Variants in C9orf85 observed in about 807,000 individuals in gnomAD.
C9orf85 encodes chromosome 9 open reading frame 85.
In C9orf85, 16 loss-of-function variants were observed where a neutral mutation model predicts 14.9. That is an observed-to-expected ratio of 1.08 (90% CI 0.73 to 1.63). The LOEUF (loss-of-function observed/expected upper bound fraction) is 1.63, where lower values mean the gene tolerates loss of function less well. C9orf85 is among the 40% of genes most tolerant of loss of function. The pLI, the probability that C9orf85 is intolerant of heterozygous loss-of-function variation, is 0.00. For synonymous variants in C9orf85, 45 were observed against 56.8 expected, an observed-to-expected ratio of 0.79 and a Z score of 0.93; for missense variants, 172 against 186.1, an observed-to-expected ratio of 0.92 and a Z score of 0.44.
At chr9:71,949,369 G>A (rs1376160836) in intron 2 of C9orf85, among the ~76,000 whole-genome samples, 1 of 152,102 alleles carries the variant, frequency 6.6e-6, no homozygotes, top group East Asian at 1.9e-4. Context: ...GTGTCAGTGT[G>A]TAAAAAAGAT....
intron 3 of C9orf85, among the ~76,000 whole-genome samples, chr9:71,979,467 G>A (rs1227332916): frequency 6.6e-6 from 1 of 152,064 alleles, no homozygotes; most frequent in Non-Finnish European, 1.5e-5. Context: ...TAGGAAGCAG[G>A]TAATCTTGAA....
intron 1 of C9orf85, among the ~76,000 whole-genome samples, chr9:71,925,734 T>A: frequency 6.6e-6 from 1 of 152,226 alleles, no homozygotes; most frequent in East Asian, 1.9e-4. Context: ...GCTGTTTTTT[T>A]ATATATCTGA....
At chr9:71,961,366 C>T (rs1822519212) in intron 2 of C9orf85, among the ~76,000 whole-genome samples, 1 of 151,856 alleles carries the variant, frequency 6.6e-6, no homozygotes, top group African/African-American at 2.4e-5. Flanking sequence ...TCGAGACCAG[C>T]CTGGCCAACA....
intron 1 of C9orf85, among the ~76,000 whole-genome samples, chr9:71,920,452 A>G (rs1827768208): frequency 6.6e-6 from 1 of 152,226 alleles, no homozygotes; most frequent in Admixed American, 6.5e-5. Flanking sequence ...AATCTAAAAG[A>G]AAGTTGTAAT....
At chr9:71,912,062 GCA>G (rs10580392) in intron 1 of C9orf85, 546,749 of 562,428 alleles carry the variant, frequency 0.97, 266,868 homozygotes, top group East Asian at 1. Flanking sequence ...TTAACTAATT[GCA>G]CAGAGTGAAC....
At chr9:71,933,392 C>T (rs1828114373) in intron 1 of C9orf85, among the ~76,000 whole-genome samples, 1 of 152,184 alleles carries the variant, frequency 6.6e-6, no homozygotes, top group African/African-American at 2.4e-5. Context: ...TTAGAATAAT[C>T]CCCCTGTTAT....
chr9:71,980,161 G>A (rs963239377), intron 3 of C9orf85, among the ~76,000 whole-genome samples: 39 of 151,832 alleles, frequency 2.6e-4, no homozygotes, highest in Non-Finnish European at 4.0e-4. Flanking sequence ...TCACAGGTGC[G>A]CGCCACCATG....
At chr9:71,928,258 C>T (rs1369805484) in intron 1 of C9orf85, among the ~76,000 whole-genome samples, 1 of 151,048 alleles carries the variant, frequency 6.6e-6, no homozygotes, top group Non-Finnish European at 1.5e-5. Context: ...GTCAATTAGC[C>T]CTGTATCTAT....
intron 1 of C9orf85, among the ~76,000 whole-genome samples, chr9:71,927,957 G>A (rs997408117): frequency 6.6e-6 from 1 of 152,044 alleles, no homozygotes; most frequent in African/African-American, 2.4e-5. Context: ...AGGCCAAGGC[G>A]GGTGGATCAC....
intron 1 of C9orf85, among the ~76,000 whole-genome samples, chr9:71,927,950 C>T (rs897723533): frequency 1.3e-5 from 2 of 152,062 alleles, no homozygotes; most frequent in African/African-American, 4.8e-5. Context: ...CTTTGGGAGG[C>T]CAAGGCGGGT....
At chr9:71,939,555 G>T (rs1486050875) in intron 1 of C9orf85, among the ~76,000 whole-genome samples, 2 of 152,112 alleles carry the variant, frequency 1.3e-5, no homozygotes. Context: ...TACAGTTTCA[G>T]TGTAATCCTA....
intron 2 of C9orf85, among the ~76,000 whole-genome samples, chr9:71,955,171 A>G (rs1432199592): frequency 2.0e-5 from 3 of 152,136 alleles, no homozygotes; most frequent in Non-Finnish European, 4.4e-5. Context: ...TCTTGCACTC[A>G]GTCCTTGGCA....
chr9:71,913,450 G>A (rs1827568375), intron 1 of C9orf85, among the ~76,000 whole-genome samples: 1 of 152,096 alleles, frequency 6.6e-6, no homozygotes, highest in Non-Finnish European at 1.5e-5. Flanking sequence ...TATTGGTGAA[G>A]GGCAACACAG....
downstream of C9orf85, among the ~76,000 whole-genome samples, chr9:71,976,275 A>T (rs986638532): frequency 2.3e-4 from 35 of 152,222 alleles, no homozygotes; most frequent in Non-Finnish European, 4.9e-4. Context: ...TGGCAGGAGG[A>T]TATCAAGACT....
At chr9:71,975,040 A>T (rs1822976186), downstream of C9orf85, among the ~76,000 whole-genome samples, 1 of 152,230 alleles carries the variant, frequency 6.6e-6, no homozygotes, top group Non-Finnish European at 1.5e-5. Context: ...TTTCAGCATA[A>T]AAAAAGTGCA....
At chr9:71,962,059 T>C (rs1320907415) in intron 2 of C9orf85, among the ~76,000 whole-genome samples, 4 of 152,100 alleles carry the variant, frequency 2.6e-5, no homozygotes, top group African/African-American at 7.2e-5. Context: ...CCAGCTATTC[T>C]GGAGGCTGAG....
chr9:71,961,647 CAT>C (rs1822527465), intron 2 of C9orf85, among the ~76,000 whole-genome samples: 1 of 152,116 alleles, frequency 6.6e-6, no homozygotes, highest in African/African-American at 2.4e-5. Flanking sequence ...CTTTGTATCA[CAT>C]GATAGTATAA....
At chr9:71,920,397 TAGAAAC>T (rs1476176590) in intron 1 of C9orf85, among the ~76,000 whole-genome samples, 3 of 152,366 alleles carry the variant, frequency 2.0e-5, no homozygotes, top group South Asian at 2.1e-4. Flanking sequence ...AATTCACGCT[TAGAAAC>T]AGACTATTCT....
intron 2 of C9orf85, among the ~76,000 whole-genome samples, chr9:71,966,624 T>TAA (rs113434939): frequency 6.6e-6 from 1 of 151,800 alleles, no homozygotes; most frequent in African/African-American, 2.4e-5. Context: ...GTCATGACTA[T>TAA]AAAAAAAACG....
Sources: allele counts gnomAD v4.1 joint callset (sites outside exome capture counted in the v4.1 genomes callset), GRCh38; gene constraint gnomAD v4.1.1; transcripts MANE v1.5; gene names NCBI Gene and HGNC (gene_info 2026-07-23, HGNC 2026-07-21).